The following PLCB1 variants were observed in gnomAD, a reference collection of about 807,000 sequenced individuals.
PLCB1 encodes 1-phosphatidylinositol 4,5-bisphosphate phosphodiesterase beta-1.
In PLCB1, 46 loss-of-function variants were observed where a neutral mutation model predicts 161.8. That is an observed-to-expected ratio of 0.28 (90% CI 0.22 to 0.36). The LOEUF is 0.36. Among genes scored for constraint, PLCB1 ranks in the 10% least tolerant of loss-of-function variants. PLCB1 has a pLI of 1.00. For synonymous variants in PLCB1, 517 were observed against 503.7 expected (o/e 1.03, Z -0.35); for missense variants, 1,016 against 1,472.5 (o/e 0.69, Z 5.07).
intron 31 of PLCB1, among the ~76,000 whole-genome samples, chr20:8,790,800 AAATT>A (rs1379486246): frequency 1.3e-5 from 2 of 152,198 alleles, no homozygotes; most frequent in Non-Finnish European, 2.9e-5. Context: ...TGTTTGGTTA[AAATT>A]AATTGTCTTA....
intron 3 of PLCB1, among the ~76,000 whole-genome samples, chr20:8,484,597 A>C (rs373898937): frequency 6.6e-6 from 1 of 151,806 alleles, no homozygotes; most frequent in South Asian, 2.1e-4. Context: ...CCTGACCTCA[A>C]GTGATCCTCC....
chr20:8,328,359 A>C (rs1985236067), intron 2 of PLCB1, among the ~76,000 whole-genome samples: 1 of 152,018 alleles, frequency 6.6e-6, no homozygotes, highest in Non-Finnish European at 1.5e-5. Context: ...CAGTGCTTAA[A>C]ATGGAAAGAG....
chr20:8,141,492 G>A (rs929866056), intron 1 of PLCB1, among the ~76,000 whole-genome samples: 4 of 152,016 alleles, frequency 2.6e-5, no homozygotes, highest in African/African-American at 4.8e-5. Context: ...GTGTGGTGGT[G>A]CACACCTGTA....
At chr20:8,234,416 A>G (rs573731988) in intron 2 of PLCB1, among the ~76,000 whole-genome samples, 1 of 152,272 alleles carries the variant, frequency 6.6e-6, no homozygotes, top group South Asian at 2.1e-4. Context: ...AGCTGGGTGC[A>G]TGAATTTGCA....
chr20:8,809,832 C>T (rs1442987933), intron 31 of PLCB1, among the ~76,000 whole-genome samples: 1 of 152,008 alleles, frequency 6.6e-6, no homozygotes, highest in Non-Finnish European at 1.5e-5. Flanking sequence ...GTTTTAAGGA[C>T]AACAGAAAAG....
At position 8,541,574 on chromosome 20, in the gene PLCB1, A is replaced by AAGAAAGAAAGAAAGAAAGAAAGAAAGAG. The variant is rs1568500321; in HGVS notation, c.247-86693_247-86692insGAGAAAGAAAGAAAGAAAGAAAGAAAGA. On this transcript the variant is annotated intron_variant, in intron 3 of 31. Coordinates refer to ENST00000338037, the MANE Select transcript of PLCB1 (RefSeq NM_015192.4). ...TGAAAGGAAGAAAGAGAAAGAAAGA[A>AAGAAAGAAAGAAAGAAAGAAAGAAAGAG]AGAAAGAAAGAAAGAAAGAAAGAAA... is the stretch of plus-strand genomic sequence containing the variant. Among the ~76,000 whole-genome samples, 392 of 149,280 alleles carry AAGAAAGAAAGAAAGAAAGAAAGAAAGAG rather than the reference A, an allele frequency of 2.6e-3. 4 individuals carry two copies. Among genetic ancestry groups the AAGAAAGAAAGAAAGAAAGAAAGAAAGAG allele is most frequent in the Non-Finnish European group, 4.1e-3 (273 of 67,074 alleles).
At chr20:8,441,857 G>A (rs1030506881) in intron 3 of PLCB1, among the ~76,000 whole-genome samples, 2 of 152,126 alleles carry the variant, frequency 1.3e-5, no homozygotes, top group African/African-American at 4.8e-5. Flanking sequence ...GATTAGCTAA[G>A]CAGCAATAAA....
chr20:8,133,071 G>C (rs1171784638), intron 1 of PLCB1, among the ~76,000 whole-genome samples: 2 of 152,152 alleles, frequency 1.3e-5, no homozygotes, highest in Admixed American at 6.5e-5. Flanking sequence ...TCGGAAAGTA[G>C]GGAGTGTGAA....
chr20:8,407,283 A>G (rs566830447), intron 3 of PLCB1, among the ~76,000 whole-genome samples: 3 of 152,238 alleles, frequency 2.0e-5, no homozygotes, highest in Admixed American at 6.5e-5. Context: ...TAAATCACAG[A>G]TAACGAGTAT....
At position 8,315,958 on chromosome 20, in the gene PLCB1, A is replaced by G. The variant is rs1224123523; in HGVS notation, c.178-55424A>G. Among the ~76,000 whole-genome samples, 4 of 152,172 alleles carry G rather than the reference A, an allele frequency of 2.6e-5. No individual in the cohort carries two copies. In the East Asian group the frequency reaches 5.8e-4, roughly 22 times the overall value. On this transcript the variant is annotated intron_variant, in intron 2 of 31. Transcript: ENST00000338037. Reference sequence around the variant, plus strand: ...ACTCCTGTTTTTCTAATGATATGCAATCTTAACTAAATCTGCCAGCTCTCA... The same window carrying G: ...ACTCCTGTTTTTCTAATGATATGCAGTCTTAACTAAATCTGCCAGCTCTCA...
At chr20:8,780,506 G>A (rs534680520) in intron 27 of PLCB1, among the ~76,000 whole-genome samples, 68 of 152,108 alleles carry the variant, frequency 4.5e-4, no homozygotes, top group African/African-American at 1.5e-3. Flanking sequence ...TCTCCCACAT[G>A]TTCTAATCAC....
intron 4 of PLCB1, among the ~76,000 whole-genome samples, chr20:8,644,458 G>T (rs1989080945): frequency 6.6e-6 from 1 of 151,344 alleles, no homozygotes; most frequent in Non-Finnish European, 1.5e-5. Flanking sequence ...CCCCATCTGG[G>T]ATGTGAGGAG....
At chr20:8,633,101 T>TACACACACAC (rs58802999) in intron 4 of PLCB1, among the ~76,000 whole-genome samples, 1 of 142,258 alleles carries the variant, frequency 7.0e-6, no homozygotes, top group Admixed American at 7.1e-5. Context: ...TGCATGTATG[T>TACACACACAC]ACACACACAC....
At chr20:8,325,683 G>C (rs1165791402) in intron 2 of PLCB1, among the ~76,000 whole-genome samples, 1 of 152,162 alleles carries the variant, frequency 6.6e-6, no homozygotes, top group Admixed American at 6.5e-5. Flanking sequence ...CATATGATTT[G>C]CTGGAACTTG....
At chr20:8,501,848 T>A (rs182601435) in intron 3 of PLCB1, among the ~76,000 whole-genome samples, 2,338 of 140,658 alleles carry the variant, frequency 0.017, 107 homozygotes, top group African/African-American at 0.06. Flanking sequence ...CTATTTTTTT[T>A]AAAAAAGATA....
At chr20:8,516,572 C>T (rs1374958223) in intron 3 of PLCB1, among the ~76,000 whole-genome samples, 1 of 150,346 alleles carries the variant, frequency 6.7e-6, no homozygotes, top group African/African-American at 2.4e-5. Context: ...TCATAACATG[C>T]TAAATAGCCA....
intron 2 of PLCB1, among the ~76,000 whole-genome samples, chr20:8,190,821 C>T (rs1438039236): frequency 6.6e-6 from 1 of 152,098 alleles, no homozygotes; most frequent in East Asian, 1.9e-4. Flanking sequence ...GTGCAGTTCA[C>T]TCAAGGTCAT....
chr20:8,406,119 G>A (rs111380959), intron 3 of PLCB1, among the ~76,000 whole-genome samples: 8 of 151,926 alleles, frequency 5.3e-5, no homozygotes, highest in African/African-American at 1.9e-4. Flanking sequence ...GCATTTTATA[G>A]CATGAGTTAC....
intron 3 of PLCB1, among the ~76,000 whole-genome samples, chr20:8,589,594 TG>T (rs1987087507): frequency 6.7e-6 from 1 of 148,624 alleles, no homozygotes; most frequent in Non-Finnish European, 1.5e-5. Flanking sequence ...AGGCTCTCTC[TG>T]GGGTCAATCT....
Sources: gnomAD v4.1 joint callset for allele counts (sites outside exome capture counted in the v4.1 genomes callset) on GRCh38, gnomAD v4.1.1 for gene constraint, MANE v1.5 for transcripts, NCBI Gene and HGNC (gene_info 2026-07-23, HGNC 2026-07-21) for gene names.